Variants in ZNF599 observed in about 807,000 individuals in gnomAD.
ZNF599 encodes zinc finger protein 599.
In ZNF599, 10 loss-of-function variants were observed where a neutral mutation model predicts 11.7. The observed-to-expected ratio is 0.86, with a 90% CI of 0.53 to 1.45. The LOEUF is 1.45. ZNF599 is among the 40% of genes most tolerant of loss of function. The pLI, the probability that ZNF599 is intolerant of heterozygous loss-of-function variation, is 0.00. For synonymous variants in ZNF599, 232 were observed against 253.2 expected, an observed-to-expected ratio of 0.92 and a Z score of 0.79; for missense variants, 688 against 713.6, an observed-to-expected ratio of 0.96 and a Z score of 0.41.
At chr19:34,779,515 T>C in the ZNF599 span, 2 of 456,338 alleles carry the variant, frequency 4.4e-6, no homozygotes, top group Admixed American at 2.4e-5. Context: ...ACTCATAAGG[T>C]TTTTCTCTGG....
rs1299038469 is a variant in ZNF599, at chr19:34,765,745, T to G, written c.241+1571A>C. On this transcript the variant is annotated intron_variant, in intron 3 of 3. Coordinates refer to ENST00000329285, the MANE Select transcript of ZNF599 (RefSeq NM_001007248.3). ...AGTAGGTCAGATGCTCTGACATCAG[T>G]GGCAAGGGAGGCGGTGATACATGGA... is the stretch of plus-strand genomic sequence containing the variant. 4.3e-6 allele frequency: 3 copies of G among 694,904 alleles called. No individual in the cohort carries two copies. In the Admixed American group the frequency reaches 6.0e-5, roughly 14 times the overall value. The allele number at this position is 694,904 out of a possible 1,614,324, so 43.0% of individuals were successfully genotyped here.
At chr19:34,775,147 G>T (rs2069212194), upstream of ZNF599, among the ~76,000 whole-genome samples, 1 of 152,170 alleles carries the variant, frequency 6.6e-6, no homozygotes, top group African/African-American at 2.4e-5. Flanking sequence ...AGAACTGTGA[G>T]CCAAGTAAAC....
At chr19:34,777,392 A>C, upstream of ZNF599, among the ~76,000 whole-genome samples, 1 of 90,490 alleles carries the variant, frequency 1.1e-5, no homozygotes, top group Non-Finnish European at 2.0e-5. Context: ...TAATTAATAT[A>C]TAATATATAT....
the ZNF599 span, among the ~76,000 whole-genome samples, chr19:34,785,450 A>C: frequency 1.3e-5 from 2 of 152,120 alleles, 1 homozygote; most frequent in Non-Finnish European, 2.9e-5. Flanking sequence ...CCCAACCTTC[A>C]GGGCTCCCAG....
At chr19:34,761,777 C>T (rs1282165379) in intron 3 of ZNF599, among the ~76,000 whole-genome samples, 1 of 152,010 alleles carries the variant, frequency 6.6e-6, no homozygotes, top group Admixed American at 6.5e-5. Context: ...ACAGAATTAC[C>T]TCCAGAGTGA....
At chr19:34,789,895 T>G in the ZNF599 span, among the ~76,000 whole-genome samples, 1 of 152,218 alleles carries the variant, frequency 6.6e-6, no homozygotes, top group Non-Finnish European at 1.5e-5. Flanking sequence ...TTGCTTGTAC[T>G]TTGGGGGTCA....
the ZNF599 span, among the ~76,000 whole-genome samples, chr19:34,800,586 G>GTTTTTTCTTTTTT: frequency 8.9e-6 from 1 of 112,978 alleles, no homozygotes; most frequent in Non-Finnish European, 1.7e-5. Context: ...CATTTCCTTT[G>GTTTTTTCTTTTTT]TTTTTTTTTT....
upstream of ZNF599, among the ~76,000 whole-genome samples, chr19:34,778,056 T>C (rs2145474737): frequency 6.6e-6 from 1 of 152,250 alleles, no homozygotes; most frequent in Non-Finnish European, 1.5e-5. Context: ...ATTATAGTGA[T>C]GGTTTCACAG....
chr19:34,800,586 G>GTTTTTTTTTT, the ZNF599 span, among the ~76,000 whole-genome samples: 34 of 112,992 alleles, frequency 3.0e-4, 1 homozygote, highest in Non-Finnish European at 3.9e-4. Context: ...CATTTCCTTT[G>GTTTTTTTTTT]TTTTTTTTTT....
At chr19:34,801,348 TTTG>T in the ZNF599 span, among the ~76,000 whole-genome samples, 2 of 152,264 alleles carry the variant, frequency 1.3e-5, no homozygotes, top group African/African-American at 4.8e-5. Flanking sequence ...GCGTGAATTC[TTTG>T]TTGTTCAGTA....
In ZNF599 at chr19:34,769,621, T is replaced by C. The variant is rs925028672; in HGVS notation, c.19-66A>G. 5.1e-6 allele frequency: 8 copies of C among 1,568,470 alleles called. No individual in the cohort carries two copies. The Admixed American group carries it at 7.0e-5, about 14-fold the overall frequency. On this transcript the variant is annotated intron_variant, in intron 1 of 3. Transcript: ENST00000329285. ...TTAGGTGAAATTACAGCTCACTTCT[T>C]GGTTACTGGCAAAGGGTCCAGAGAC... is the stretch of plus-strand genomic sequence containing the variant.
chr19:34,759,225 T>G lies in ZNF599; in HGVS notation c.1576A>C (p.Asn526His). Residue 526 changes from asparagine (N) to histidine (H), a missense_variant, in exon 4 of 4, where the codon AAT becomes CAT. Coordinates refer to ENST00000329285, the MANE Select transcript of ZNF599 (RefSeq NM_001007248.3). ...FTQPANFVRH[N>H]RIHTGEKPFE... ...GGTTTTTCTCCAGTGTGGATCCTAT[T>G]ATGCCGAACAAAATTTGCAGGTTGG... is the stretch of plus-strand genomic sequence containing the variant. The G allele has an allele frequency of 3.7e-6, 6 of 1,614,172 alleles. No homozygotes were observed. The highest frequency in any genetic ancestry group is 5.1e-6 in the Non-Finnish European group (6 of 1,180,028).
upstream of ZNF599, among the ~76,000 whole-genome samples, chr19:34,777,377 T>C (rs2069222740): frequency 1.1e-5 from 1 of 91,538 alleles, no homozygotes; most frequent in Non-Finnish European, 2.0e-5. Context: ...TTATATATTA[T>C]ATATTAATTA....
At chr19:34,770,460 T>G (rs2069176248) in intron 1 of ZNF599, among the ~76,000 whole-genome samples, 1 of 152,224 alleles carries the variant, frequency 6.6e-6, no homozygotes, top group Non-Finnish European at 1.5e-5. Flanking sequence ...GAGCAGAGCC[T>G]TCCTTTGCCT....
At chr19:34,778,861 T>A in the ZNF599 span, among the ~76,000 whole-genome samples, 1 of 152,196 alleles carries the variant, frequency 6.6e-6, no homozygotes, top group African/African-American at 2.4e-5. Context: ...ACATTCATTT[T>A]AAAAAGGCAA....
intron 1 of ZNF599, among the ~76,000 whole-genome samples, chr19:34,771,721 G>C (rs1030233501): frequency 7.9e-5 from 12 of 152,190 alleles, no homozygotes; most frequent in Non-Finnish European, 1.6e-4. Flanking sequence ...AATCTAAGTA[G>C]GATGGGAGCC....
intron 1 of ZNF599, among the ~76,000 whole-genome samples, chr19:34,771,275 G>T (rs2069182368): frequency 6.6e-6 from 1 of 152,026 alleles, no homozygotes; most frequent in Admixed American, 6.5e-5. Flanking sequence ...AATAAAAAAT[G>T]TAGGCTTTTA....
rs368884594 is a variant in ZNF599 at position 34,760,476 on chromosome 19, C to T, written c.325G>A (p.Ala109Thr). 5.6e-6 allele frequency: 9 copies of T among 1,613,980 alleles called. No homozygotes were observed. Among genetic ancestry groups the T allele is most frequent in the Non-Finnish European group, 7.6e-6 (9 of 1,180,000 alleles). ...SEESSFQELL[A>T]QRSSRDSRLG... ...CTGGAATCTCTTGAGGATCTCTGTG[C>T]CAGAAGTTCCTGGAAAGAGGATTCC... Residue 109 changes from alanine (A) to threonine (T), a missense_variant, in exon 4 of 4, where the codon GCA becomes ACA. Coordinates refer to ENST00000329285, the MANE Select transcript of ZNF599 (RefSeq NM_001007248.3).
intron 2 of ZNF599, 23 bp downstream of exon 2, chr19:34,769,406 A>G (rs1179398142): frequency 1.2e-6 from 2 of 1,613,912 alleles, no homozygotes; most frequent in South Asian, 1.1e-5. Flanking sequence ...GGTCCCCTAC[A>G]TGGGAGGGTA....
Sources: allele counts gnomAD v4.1 joint callset (sites outside exome capture counted in the v4.1 genomes callset), GRCh38; gene constraint gnomAD v4.1.1; transcripts MANE v1.5; gene names NCBI Gene and HGNC (gene_info 2026-07-23, HGNC 2026-07-21).